DARS2: variants seen among roughly 807,000 people sequenced by gnomAD.
DARS2 encodes the protein aspartate--tRNA ligase, mitochondrial.
A neutral mutation model predicts 83.0 loss-of-function variants in DARS2; 63 were observed. The observed-to-expected ratio is 0.76, with a 90% CI of 0.62 to 0.94. The LOEUF (loss-of-function observed/expected upper bound fraction) is 0.94, where lower values mean the gene tolerates loss of function less well. DARS2 is among the 40% of genes least tolerant of loss of function. The pLI, the probability that DARS2 is intolerant of heterozygous loss-of-function variation, is 0.00. For synonymous variants in DARS2, 250 were observed against 269.3 expected (o/e 0.93, Z 0.70); for missense variants, 675 against 774.4 (o/e 0.87, Z 1.52).
intron 13 of DARS2, among the ~76,000 whole-genome samples, chr1:173,851,178 G>C (rs998109086): frequency 6.6e-6 from 1 of 151,514 alleles, no homozygotes; most frequent in African/African-American, 2.4e-5. Context: ...CAACCTGGGA[G>C]GGGGAGGTTG....
At chr1:173,834,289 T>C (rs1652898589) in intron 6 of DARS2, among the ~76,000 whole-genome samples, 184 bp from the exon 7 acceptor site, 1 of 152,230 alleles carries the variant, frequency 6.6e-6, no homozygotes, top group South Asian at 2.1e-4. Flanking sequence ...AGAATAGTAT[T>C]TATGAAAATC....
intron 1 of DARS2, among the ~76,000 whole-genome samples, chr1:173,826,142 T>TGTTC (rs1184140628): frequency 6.6e-6 from 1 of 150,898 alleles, no homozygotes; most frequent in East Asian, 2.0e-4. Flanking sequence ...GAGAATGGCG[T>TGTTC]GAACCTCGGA....
intron 13 of DARS2, among the ~76,000 whole-genome samples, chr1:173,851,665 G>C (rs1241147065): frequency 6.6e-6 from 1 of 152,114 alleles, no homozygotes; most frequent in Non-Finnish European, 1.5e-5. Flanking sequence ...GAAAAGTATA[G>C]TACAAAGTCA....
chr1:173,839,284 C>A (rs1653120509), intron 9 of DARS2, 83 bp from the exon 10 acceptor site: 4 of 1,279,678 alleles, frequency 3.1e-6, no homozygotes, highest in Admixed American at 3.7e-5. Flanking sequence ...GTGCAAAATT[C>A]TATAGTAACT....
At position 173,824,896 on chromosome 1, in the gene DARS2, C is replaced by G; in HGVS notation, c.-334C>G. The G allele has an allele frequency of 2.8e-6, 1 of 354,678 alleles. No homozygotes were observed. The highest frequency in any genetic ancestry group is 5.5e-6 in the Non-Finnish European group (1 of 181,334). The allele number at this position is 354,678 out of a possible 1,614,324, so 22.0% of individuals were successfully genotyped here. On this transcript the variant is annotated 5_prime_UTR_variant, in exon 1 of 17. Coordinates refer to ENST00000649689, the MANE Select transcript of DARS2 (RefSeq NM_018122.5). ...ATACCTTGTGACCGCCTCTGGTTGT[C>G]TTGGGCTCGCGCCTGGCGCCGCTAC...
intron 11 of DARS2, among the ~76,000 whole-genome samples, chr1:173,842,359 C>T (rs1326501818): frequency 8.4e-6 from 1 of 119,748 alleles, no homozygotes; most frequent in South Asian, 2.8e-4. Context: ...AGTGCAGTGG[C>T]GCGATCTTGG....
intron 4 of DARS2, 78 bp downstream of exon 4, chr1:173,830,839 A>G (rs1261172105): frequency 1.4e-5 from 15 of 1,040,450 alleles, no homozygotes; most frequent in East Asian, 2.4e-5. Flanking sequence ...CTGGCAACAC[A>G]TGACTGGACA....
chr1:173,838,815 T>C (rs1653103286), intron 9 of DARS2, among the ~76,000 whole-genome samples: 1 of 152,110 alleles, frequency 6.6e-6, no homozygotes, highest in African/African-American at 2.4e-5. Flanking sequence ...AGCTCATTGC[T>C]GCCTCTGCCT....
At chr1:173,856,609 G>A in intron 15 of DARS2, 57 bp from the exon 16 acceptor site, 1 of 1,474,912 alleles carries the variant, frequency 6.8e-7, no homozygotes, top group South Asian at 1.1e-5. Flanking sequence ...AGCCTAGATG[G>A]TGGCACTTAG....
chr1:173,840,991 CTA>C lies in DARS2; in HGVS notation c.1128+20_1128+21del, dbSNP rs1268023376. On this transcript the variant is annotated intron_variant, in intron 11 of 16. Coordinates refer to ENST00000649689, the MANE Select transcript of DARS2 (RefSeq NM_018122.5). ...AAGGAGCAGTAAGTGAAGTACAGTT[CTA>C]TGTTTCTCTAGAATGTATGCTTTGG... is the stretch of plus-strand genomic sequence containing the variant. 3 of 1,360,794 alleles carry C rather than the reference CTA, an allele frequency of 2.2e-6. No individual in the cohort carries two copies. 84.3% of individuals were successfully genotyped at this position (1,360,794 alleles called of 1,614,324 possible).
At position 173,839,385 on chromosome 1, in the gene DARS2, T is replaced by C. The variant is rs1485085091; in HGVS notation, c.859T>C (p.Phe287Leu). The change falls in exon 10 of 17, where the codon TTT becomes CTT. Residue 287 changes from phenylalanine to leucine, a missense_variant. Phe to Leu is a conservative substitution (Grantham distance 22, BLOSUM62 0). Transcript: ENST00000649689. ...EFTQIDIEMS[F>L]VDQTGIQSLI... is the part of the protein sequence containing the mutation. ...GTTTCAGATTGACATAGAGATGTCA[T>C]TTGTAGACCAGACTGGGATCCAGAG... 1 of 1,614,180 alleles carries C rather than the reference T, an allele frequency of 6.2e-7. No homozygotes were observed. The highest frequency in any genetic ancestry group is 8.5e-7 in the Non-Finnish European group (1 of 1,180,020).
At chr1:173,828,519 C>A in intron 3 of DARS2, 120 bp downstream of exon 3, 1 of 977,178 alleles carries the variant, frequency 1.0e-6, no homozygotes, top group Non-Finnish European at 1.6e-6. Flanking sequence ...TTAATGAAAA[C>A]TGAAAAATAT....
At chr1:173,837,144 T>C (rs917167458) in intron 8 of DARS2, 98 bp downstream of exon 8, 2 of 1,105,318 alleles carry the variant, frequency 1.8e-6, no homozygotes, top group Non-Finnish European at 2.7e-6. Flanking sequence ...AAGAGAAGGA[T>C]AGAAAATTTA....
In DARS2 at chr1:173,825,449, CATTATTATT is replaced by C. The variant is rs55949406; in HGVS notation, c.127+121_127+129del. On this transcript the variant is annotated intron_variant, in intron 1 of 16. Coordinates refer to ENST00000649689, the MANE Select transcript of DARS2 (RefSeq NM_018122.5). ...TTATTCCATTTTTCATTTTTTCCCCCATTATTATTATTATTATTATTATTATTATTATTA... is the reference window on the plus strand; with the variant it reads ...TTATTCCATTTTTCATTTTTTCCCCCATTATTATTATTATTATTATTATTA... 152,168 of 469,066 alleles carry C rather than the reference CATTATTATT, an allele frequency of 0.32. 25,156 individuals carry two copies. Among genetic ancestry groups the C allele is most frequent in the Middle Eastern group, 0.43 (561 of 1,310 alleles). The allele number at this position is 469,066 out of a possible 1,614,324, so 29.1% of individuals were successfully genotyped here.
intron 11 of DARS2, among the ~76,000 whole-genome samples, chr1:173,842,167 A>G (rs1416340139): frequency 8.6e-5 from 13 of 151,988 alleles, no homozygotes; most frequent in Non-Finnish European, 1.8e-4. Context: ...ATTTCATAAG[A>G]AGTATTCCAG....
At chr1:173,852,467 G>A (rs1221493024) in intron 13 of DARS2, 1 of 156,540 alleles carries the variant, frequency 6.4e-6, no homozygotes, top group Non-Finnish European at 1.4e-5. Context: ...TCTAACCCAT[G>A]AAGTTGGGTT....
chr1:173,843,083 G>A (rs1653291793), intron 11 of DARS2, among the ~76,000 whole-genome samples: 2 of 152,008 alleles, frequency 1.3e-5, no homozygotes, highest in Admixed American at 1.3e-4. Context: ...TATAAGAACT[G>A]CAGGAGTGTG....
intron 1 of DARS2, 39 bp from the exon 2 acceptor site, chr1:173,826,648 C>A: frequency 3.4e-6 from 5 of 1,475,010 alleles, no homozygotes; most frequent in Non-Finnish European, 4.6e-6. Context: ...TATTTTTAAT[C>A]TTGCCTTTTA....
chr1:173,834,968 G>T (rs1469592090), intron 7 of DARS2, among the ~76,000 whole-genome samples: 14 of 151,304 alleles, frequency 9.3e-5, no homozygotes, highest in Admixed American at 9.2e-4. Context: ...CTTTAGTAGA[G>T]ACGGAGTTTC....
Sources: allele counts gnomAD v4.1 joint callset (sites outside exome capture counted in the v4.1 genomes callset), GRCh38; gene constraint gnomAD v4.1.1; transcripts MANE v1.5; gene names NCBI Gene and HGNC (gene_info 2026-07-23, HGNC 2026-07-21).